Variants in ZNF397 observed in about 807,000 individuals in gnomAD.
ZNF397 encodes the protein zinc finger protein 397.
Under a neutral mutation model 50.6 loss-of-function variants are expected in ZNF397, and 38 were observed. The observed-to-expected ratio is 0.75, with a 90% CI of 0.58 to 0.98. ZNF397 has a LOEUF of 0.98. Among genes scored for constraint, ZNF397 ranks in the 50% least tolerant of loss-of-function variants. The pLI, the probability that ZNF397 is intolerant of heterozygous loss-of-function variation, is 0.00. For missense variants in ZNF397, 624 were observed against 624.1 expected (o/e 1.00, Z 0.00); for synonymous variants, 228 against 215.2 (o/e 1.06, Z -0.52).
chr18:35,251,201 T>C (rs767525502), downstream of ZNF397: 4 of 152,136 alleles, frequency 2.6e-5, no homozygotes, highest in Non-Finnish European at 5.9e-5. Context: ...TTGGGAAAAA[T>C]AAACACTAAT....
downstream of ZNF397, chr18:35,253,933 A>G (rs757674370): frequency 6.2e-7 from 1 of 1,614,176 alleles, no homozygotes. Context: ...AGGCTTTGCC[A>G]CATTCTTTAC....
At position 35,246,451 on chromosome 18, in the gene ZNF397, C is replaced by T. The variant is rs979147592; in HGVS notation, c.*141C>T. ...CTAGCTTGCTTTGTGCAGCATTTCC[C>T]AGTGCTAATGTAAAGTGTCCCTTGA... On this transcript the variant is annotated 3_prime_UTR_variant, in exon 4 of 4. Transcript: ENST00000330501. 1 of 1,438,692 alleles carries T rather than the reference C, an allele frequency of 7.0e-7. No individual in the cohort carries two copies. The highest frequency in any genetic ancestry group is 9.1e-7 in the Non-Finnish European group (1 of 1,098,590). 89.1% of individuals were successfully genotyped at this position (1,438,692 alleles called of 1,614,324 possible).
At position 35,245,599 on chromosome 18, in the gene ZNF397, C is replaced by G. The variant is rs1307105820; in HGVS notation, c.894C>G (p.Ser298=). ...DVCGHSFKQH[S]SLTQHQRIHT... ...GTGGGCACAGCTTCAAGCAGCATTC[C>G]TCTCTAACACAACATCAGAGAATCC... The change falls in exon 4 of 4, where the codon TCC becomes TCG. Residue 298 remains serine, a synonymous_variant. Transcript: ENST00000330501. The G allele has an allele frequency of 3.9e-6, 6 of 1,553,588 alleles. No homozygotes were observed. Among genetic ancestry groups the G allele is most frequent in the Non-Finnish European group, 3.5e-6 (4 of 1,147,878 alleles).
At chr18:35,258,007 T>C in exon 6 of ZNF397, 1 of 780,906 alleles carries the variant, frequency 1.3e-6, no homozygotes, top group Non-Finnish European at 2.4e-6. Flanking sequence ...GCAAGGCATA[T>C]CATGAGGCTA....
intron 5 of ZNF397, among the ~76,000 whole-genome samples, chr18:35,255,195 G>T (rs927218194): frequency 6.6e-6 from 1 of 150,962 alleles, no homozygotes; most frequent in Non-Finnish European, 1.5e-5. Context: ...CACAAAACAT[G>T]CCCCATCTCT....
chr18:35,241,430 A>G, intron 1 of ZNF397: 1 of 152,222 alleles, frequency 6.6e-6, no homozygotes, highest in Non-Finnish European at 1.5e-5. Flanking sequence ...ATTTTAATTC[A>G]TCTCTTAACG....
Position 35,247,285 on chromosome 18 carries a change from A to G in ZNF397, c.*975A>G. 1.8e-6 allele frequency: 1 copy of G among 567,888 alleles called. No homozygotes were observed. The highest frequency in any genetic ancestry group is 2.2e-6 in the Non-Finnish European group (1 of 448,278). 35.2% of individuals were successfully genotyped at this position (567,888 alleles called of 1,614,324 possible). The stretch of plus-strand genomic sequence containing the variant: ...GCTTTGTCTTGGTTTATGTGACCCC[A>G]GGGAAAGGGCAAATATGTGGTTTCC... On this transcript the variant is annotated 3_prime_UTR_variant, in exon 4 of 4. Transcript: ENST00000330501.
chr18:35,247,087 G>A lies in ZNF397; in HGVS notation c.*777G>A. On this transcript the variant is annotated 3_prime_UTR_variant, in exon 4 of 4. Coordinates refer to ENST00000330501, the MANE Select transcript of ZNF397 (RefSeq NM_001135178.3). ...TCTAGGGAAGTGGTACCCCAGTAAA[G>A]AACAGTAGCCAAAGGCCAGAAACAA... is the stretch of plus-strand genomic sequence containing the variant. 1.0e-6 allele frequency: 1 copy of A among 985,484 alleles called. No individual in the cohort carries two copies. Among genetic ancestry groups the A allele is most frequent in the Non-Finnish European group, 1.2e-6 (1 of 829,982 alleles). 61.0% of individuals were successfully genotyped at this position (985,484 alleles called of 1,614,324 possible).
chr18:35,243,319 A>G (rs767674299), intron 3 of ZNF397, 26 bp downstream of exon 3: 24 of 1,613,846 alleles, frequency 1.5e-5, no homozygotes, highest in Middle Eastern at 1.6e-4. Flanking sequence ...TCATCTGGAA[A>G]CTCTTGACAC....
downstream of ZNF397, chr18:35,254,153 G>T: frequency 6.2e-7 from 1 of 1,614,176 alleles, no homozygotes. Context: ...TCTGTTGAAG[G>T]TTGCCAGACT....
rs1381203084 is a variant in ZNF397, at chr18:35,242,666, G to A, written c.196G>A (p.Glu66Lys). The change falls in exon 2 of 4, where the codon GAG (glutamate) becomes AAG (lysine). Residue 66 changes from glutamate (E) to lysine (K), a missense_variant. By Grantham distance (56) the Glu-to-Lys change is moderately conservative. Coordinates refer to ENST00000330501, the MANE Select transcript of ZNF397 (RefSeq NM_001135178.3). ...FCYQETPGPR[E>K]ALSRLQELCY... ...CTACCAGGAGACACCTGGGCCCCGG[G>A]AGGCTCTGAGCCGACTCCAGGAACT... The A allele has an allele frequency of 1.1e-5, 17 of 1,614,120 alleles. No individual in the cohort carries two copies. The highest frequency in any genetic ancestry group is 5.3e-5 in the African/African-American group (4 of 74,940).
chr18:35,253,946 G>A, downstream of ZNF397: 1 of 1,614,002 alleles, frequency 6.2e-7, no homozygotes, highest in Non-Finnish European at 8.5e-7. Flanking sequence ...TTCTTTACAT[G>A]CATAAGGTCT....
At chr18:35,257,841 G>T in intron 5 of ZNF397, 1 of 779,966 alleles carries the variant, frequency 1.3e-6, no homozygotes. Context: ...ATGCTCCAAG[G>T]ATTAGACCAA....
chr18:35,243,397 C>G (rs1397171925), intron 3 of ZNF397, 104 bp downstream of exon 3: 1 of 1,542,206 alleles, frequency 6.5e-7, no homozygotes, highest in South Asian at 1.1e-5. Flanking sequence ...TGAGCATCAC[C>G]TTTATTATTC....
downstream of ZNF397, among the ~76,000 whole-genome samples, chr18:35,250,471 A>G (rs557126187): frequency 3.3e-5 from 5 of 152,316 alleles, no homozygotes; most frequent in East Asian, 7.7e-4. Flanking sequence ...AGGGAATAAT[A>G]ATGTCTACCT....
rs371383834 is a variant in ZNF397, at chr18:35,245,957, A to G, written c.1252A>G (p.Ile418Val). ...CTCAAAACTCATTAGACATCAGCGA[A>G]TTCACACAGGAGAGAGACCCTATGA... The part of the protein sequence containing the change: ...QSSKLIRHQR[I>V]HTGERPYECN... The change falls in exon 4 of 4, where the codon ATT becomes GTT. Residue 418 changes from isoleucine to valine, a missense_variant. Transcript: ENST00000330501. 34 of 1,582,122 alleles carry G rather than the reference A, an allele frequency of 2.1e-5. No individual in the cohort carries two copies. Among genetic ancestry groups the G allele is most frequent in the Non-Finnish European group, 2.8e-5 (33 of 1,163,886 alleles).
chr18:35,249,642 G>A lies in ZNF397; in HGVS notation c.*3332G>A, dbSNP rs1388934491. 1 of 99,092 alleles carries A rather than the reference G, an allele frequency of 1.0e-5. No homozygotes were observed. The highest frequency in any genetic ancestry group is 0.012 in the Middle Eastern group (1 of 84). 6.1% of individuals were successfully genotyped at this position (99,092 alleles called of 1,614,324 possible). Reference sequence around the variant, plus strand: ...TATTCCAGCCTGGGTGACAGAGTGAGACTGTGTCTCAAAAAAAAAAAAAAA... The same window carrying A: ...TATTCCAGCCTGGGTGACAGAGTGAAACTGTGTCTCAAAAAAAAAAAAAAA... On this transcript the variant is annotated 3_prime_UTR_variant, in exon 4 of 4. Transcript: ENST00000330501.
intron 2 of ZNF397, 74 bp from the exon 3 acceptor site, chr18:35,243,078 C>T: frequency 6.3e-7 from 1 of 1,599,018 alleles, no homozygotes; most frequent in Non-Finnish European, 8.5e-7. Flanking sequence ...CATCATTGAC[C>T]TCTTTGAGAT....
At chr18:35,242,945 T>A in intron 2 of ZNF397, 61 bp downstream of exon 2, 1 of 1,539,188 alleles carries the variant, frequency 6.5e-7, no homozygotes, top group Admixed American at 2.1e-5. Flanking sequence ...TGTAATGGTA[T>A]CATAACAGTA....
Sources: gnomAD v4.1 joint callset for allele counts (sites outside exome capture counted in the v4.1 genomes callset) on GRCh38, gnomAD v4.1.1 for gene constraint, MANE v1.5 for transcripts, NCBI Gene and HGNC (gene_info 2026-07-23, HGNC 2026-07-21) for gene names.